ASAH2: variants seen among roughly 807,000 people sequenced by gnomAD.
ASAH2 encodes N-acylsphingosine amidohydrolase 2, also known as neutral ceramidase.
A neutral mutation model predicts 82.9 loss-of-function variants in ASAH2; 58 were observed. The ratio of observed to expected loss-of-function variants is 0.70; its 90% CI spans 0.57 to 0.87. ASAH2 has a LOEUF of 0.87. Ranked by LOEUF, ASAH2 falls within the 40% of genes least tolerant of loss-of-function variation. The pLI is 0.00. For missense variants in ASAH2, 779 were observed against 834.0 expected, an observed-to-expected ratio of 0.93 and a Z score of 0.81; for synonymous variants, 276 against 289.7, an observed-to-expected ratio of 0.95 and a Z score of 0.48.
At chr10:50,238,630 G>A (rs1234441112) in intron 4 of ASAH2, among the ~76,000 whole-genome samples, 7 of 152,132 alleles carry the variant, frequency 4.6e-5, no homozygotes, top group African/African-American at 1.7e-4. Flanking sequence ...AGAAGCTGAT[G>A]TTCTTAACAA....
At chr10:50,244,127 G>A (rs1564852329) in intron 3 of ASAH2, among the ~76,000 whole-genome samples, 6 of 152,226 alleles carry the variant, frequency 3.9e-5, no homozygotes, top group Non-Finnish European at 7.3e-5. Context: ...ATAGGGTCAC[G>A]CTGGAGCGGG....
chr10:50,226,816 G>A (rs1362200688), intron 7 of ASAH2, among the ~76,000 whole-genome samples: 1 of 152,046 alleles, frequency 6.6e-6, no homozygotes, highest in Non-Finnish European at 1.5e-5. Flanking sequence ...GCAGTCACAG[G>A]ACCAGCCAAA....
intron 7 of ASAH2, among the ~76,000 whole-genome samples, chr10:50,231,498 G>C (rs1265760568): frequency 3.3e-5 from 5 of 152,094 alleles, no homozygotes; most frequent in African/African-American, 1.2e-4. Flanking sequence ...TCTGATTCAT[G>C]TTATGGTTAC....
At chr10:50,242,025 T>C (rs1846311181) in intron 4 of ASAH2, among the ~76,000 whole-genome samples, 1 of 151,960 alleles carries the variant, frequency 6.6e-6, no homozygotes, top group African/African-American at 2.4e-5. Flanking sequence ...CCCCAGAACT[T>C]AAAGTATAAT....
intron 4 of ASAH2, 121 bp downstream of exon 4, chr10:50,243,081 T>C: frequency 8.8e-7 from 1 of 1,132,258 alleles, no homozygotes; most frequent in Non-Finnish European, 1.3e-6. Context: ...GAGCGTATAA[T>C]ATTGAAGGTA....
intron 12 of ASAH2, among the ~76,000 whole-genome samples, chr10:50,207,611 A>T: frequency 6.9e-6 from 1 of 144,706 alleles, no homozygotes; most frequent in South Asian, 2.2e-4. Flanking sequence ...ACCAAAATTG[A>T]CTCAAGAAGA....
intron 4 of ASAH2, among the ~76,000 whole-genome samples, chr10:50,239,033 A>C (rs954222927): frequency 3.3e-5 from 5 of 152,126 alleles, no homozygotes; most frequent in Non-Finnish European, 5.9e-5. Flanking sequence ...AAGCAGCTAC[A>C]TTTATGTCTA....
chr10:50,202,408 G>A (rs1845174341), intron 16 of ASAH2, among the ~76,000 whole-genome samples: 2 of 151,986 alleles, frequency 1.3e-5, no homozygotes, highest in South Asian at 4.2e-4. Context: ...CCCTACTTCT[G>A]GATATACTGT....
Position 50,248,660 on chromosome 10 carries a change from A to T in ASAH2, c.-36-14T>A, listed in dbSNP as rs1012313450. ...GAAGAAGAAATACTGAAGAGGAAGA[A>T]ATCACAAATTAAAATGCAAATGCTT... On this transcript the variant is annotated splice_polypyrimidine_tract_variant and intron_variant, in intron 1 of 20. Coordinates refer to ENST00000682911, the MANE Select transcript of ASAH2 (RefSeq NM_019893.4). 4 of 1,575,442 alleles carry T rather than the reference A, an allele frequency of 2.5e-6. No individual in the cohort carries two copies. Among genetic ancestry groups the T allele is most frequent in the Non-Finnish European group, 3.5e-6 (4 of 1,157,750 alleles).
intron 7 of ASAH2, among the ~76,000 whole-genome samples, chr10:50,231,607 C>G (rs1846023998): frequency 6.6e-6 from 1 of 152,150 alleles, no homozygotes; most frequent in African/African-American, 2.4e-5. Context: ...TAACATACCC[C>G]ACTCACACAG....
At chr10:50,219,029 A>G (rs1845679772) in intron 7 of ASAH2, among the ~76,000 whole-genome samples, 1 of 152,206 alleles carries the variant, frequency 6.6e-6, no homozygotes, top group Non-Finnish European at 1.5e-5. Context: ...AGCACTGAAT[A>G]AACTGTGGTT....
intron 4 of ASAH2, among the ~76,000 whole-genome samples, chr10:50,238,480 T>A: frequency 6.6e-6 from 1 of 152,168 alleles, no homozygotes; most frequent in East Asian, 1.9e-4. Context: ...TTCCTTCTCT[T>A]TGGTCCTAAC....
intron 2 of ASAH2, 56 bp downstream of exon 2, chr10:50,248,428 T>C: frequency 6.3e-7 from 1 of 1,594,696 alleles, no homozygotes; most frequent in Admixed American, 1.7e-5. Flanking sequence ...TCCACAGTAA[T>C]CAAGAAGTTT....
chr10:50,202,716 A>G, intron 16 of ASAH2, 113 bp downstream of exon 16: 2 of 801,740 alleles, frequency 2.5e-6, no homozygotes, highest in South Asian at 2.8e-5. Context: ...TACCTGAAAC[A>G]TAATCATCTC....
intron 16 of ASAH2, among the ~76,000 whole-genome samples, chr10:50,201,793 A>G (rs1281428724): frequency 2.6e-5 from 4 of 152,160 alleles, no homozygotes; most frequent in African/African-American, 9.6e-5. Flanking sequence ...GTTGTGATAC[A>G]GTAATGTATG....
At chr10:50,211,243 A>G in intron 10 of ASAH2, 109 bp from the exon 11 acceptor site, 1 of 859,602 alleles carries the variant, frequency 1.2e-6, no homozygotes, top group Non-Finnish European at 1.9e-6. Flanking sequence ...ATCTCTCAGC[A>G]AAGCTTTTGT....
intron 7 of ASAH2, among the ~76,000 whole-genome samples, chr10:50,220,600 C>G (rs1845717040): frequency 6.6e-6 from 1 of 151,890 alleles, no homozygotes; most frequent in Middle Eastern, 3.2e-3. Context: ...CATGGACCAA[C>G]AGATGCTGGG....
intron 7 of ASAH2, among the ~76,000 whole-genome samples, chr10:50,231,791 A>C (rs1846027920): frequency 6.6e-6 from 1 of 152,214 alleles, no homozygotes; most frequent in African/African-American, 2.4e-5. Flanking sequence ...TCAAATGCTA[A>C]GAATTTCAAG....
intron 9 of ASAH2, 126 bp downstream of exon 9, chr10:50,214,617 G>T: frequency 8.6e-7 from 1 of 1,165,704 alleles, no homozygotes. Flanking sequence ...GAGAAGAGCA[G>T]ATGCTAGGGA....
Sources: gnomAD v4.1 joint callset for allele counts (sites outside exome capture counted in the v4.1 genomes callset) on GRCh38, gnomAD v4.1.1 for gene constraint, MANE v1.5 for transcripts, NCBI Gene and HGNC (gene_info 2026-07-23, HGNC 2026-07-21) for gene names.